The following CALCR variants were observed in gnomAD, a reference collection of about 807,000 sequenced individuals.
CALCR encodes the protein calcitonin receptor.
Under a neutral mutation model 59.5 loss-of-function variants are expected in CALCR, and 47 were observed. That is an observed-to-expected ratio of 0.79 (90% CI 0.63 to 1.01). The LOEUF (loss-of-function observed/expected upper bound fraction) is 1.01. Among genes scored for constraint, CALCR ranks in the 50% least tolerant of loss-of-function variants. CALCR has a pLI of 0.00. For missense variants in CALCR, 566 were observed against 597.1 expected, an observed-to-expected ratio of 0.95 and a Z score of 0.54; for synonymous variants, 213 against 211.3, an observed-to-expected ratio of 1.01 and a Z score of -0.07.
At chr7:93,538,791 T>C (rs897742340) in intron 2 of CALCR, among the ~76,000 whole-genome samples, 1 of 152,048 alleles carries the variant, frequency 6.6e-6, no homozygotes, top group African/African-American at 2.4e-5. Context: ...ATAAAGGTTG[T>C]CAAAATAAAA....
chr7:93,432,875 A>G (rs1279943390), intron 13 of CALCR, among the ~76,000 whole-genome samples: 1 of 152,174 alleles, frequency 6.6e-6, no homozygotes. Context: ...CTTACGCCCT[A>G]CTCATTTATT....
At chr7:93,486,502 T>G (rs1232367133) in intron 3 of CALCR, among the ~76,000 whole-genome samples, 1 of 151,422 alleles carries the variant, frequency 6.6e-6, no homozygotes, top group African/African-American at 2.4e-5. Flanking sequence ...TTCAGAAGTT[T>G]TAAAAGAATT....
intron 7 of CALCR, among the ~76,000 whole-genome samples, chr7:93,467,346 T>C (rs980132676): frequency 2.0e-5 from 3 of 151,692 alleles, no homozygotes; most frequent in African/African-American, 4.8e-5. Context: ...ATGTTATCAT[T>C]TGCTATCCAG....
intron 2 of CALCR, among the ~76,000 whole-genome samples, chr7:93,568,906 T>C (rs1436786903): frequency 6.6e-6 from 1 of 152,062 alleles, no homozygotes; most frequent in African/African-American, 2.4e-5. Context: ...AATTCAACTA[T>C]TTATCTTGCC....
intron 2 of CALCR, among the ~76,000 whole-genome samples, chr7:93,520,162 G>C (rs1296254991): frequency 6.6e-6 from 1 of 151,838 alleles, no homozygotes; most frequent in Non-Finnish European, 1.5e-5. Context: ...AATGGAATAT[G>C]AAAAAAAGAT....
chr7:93,519,036 A>G (rs1190337286), intron 2 of CALCR, among the ~76,000 whole-genome samples: 1 of 152,012 alleles, frequency 6.6e-6, no homozygotes, highest in Non-Finnish European at 1.5e-5. Flanking sequence ...AGCTTAAGCC[A>G]TGCTAACTGA....
intron 7 of CALCR, 108 bp downstream of exon 7, chr7:93,468,607 C>T (rs1800487287): frequency 7.7e-6 from 5 of 646,178 alleles, no homozygotes; most frequent in Non-Finnish European, 1.1e-5. Flanking sequence ...TTGCATGTCG[C>T]TTGTAATTTG....
chr7:93,490,948 A>C (rs1324694015), intron 2 of CALCR, among the ~76,000 whole-genome samples: 1 of 152,114 alleles, frequency 6.6e-6, no homozygotes, highest in Non-Finnish European at 1.5e-5. Flanking sequence ...TGTATAGCCA[A>C]GACAGTCCTA....
chr7:93,482,343 T>C (rs977577022), intron 3 of CALCR, among the ~76,000 whole-genome samples: 1 of 151,882 alleles, frequency 6.6e-6, no homozygotes, highest in African/African-American at 2.4e-5. Flanking sequence ...GGCTCTAAAA[T>C]CTTCAGTTAA....
At chr7:93,522,635 G>A (rs1234792992) in intron 2 of CALCR, among the ~76,000 whole-genome samples, 1 of 152,022 alleles carries the variant, frequency 6.6e-6, no homozygotes, top group Non-Finnish European at 1.5e-5. Context: ...TTCCCATTTT[G>A]AATCTAAGTG....
chr7:93,495,959 G>C, intron 2 of CALCR: 1 of 1,515,728 alleles, frequency 6.6e-7, no homozygotes, highest in Non-Finnish European at 8.8e-7. Context: ...GGGTGGATCA[G>C]TGGGAATCAT....
intron 8 of CALCR, among the ~76,000 whole-genome samples, chr7:93,454,916 T>TTGTGTGTGTGTGTGTGTGTG (rs4015273): frequency 1.8e-4 from 26 of 144,914 alleles, no homozygotes; most frequent in Admixed American, 1.3e-3. Flanking sequence ...ACAGGGCATT[T>TTGTGTGTGTGTGTGTGTGTG]TGTGTGTGTG....
chr7:93,444,204 G>A (rs563138385), intron 8 of CALCR, among the ~76,000 whole-genome samples: 30 of 152,196 alleles, frequency 2.0e-4, no homozygotes, highest in African/African-American at 7.2e-4. Context: ...AAAGAGGAGA[G>A]AGTCAGGTGA....
intron 3 of CALCR, among the ~76,000 whole-genome samples, chr7:93,481,312 C>T (rs1352659671): frequency 2.6e-5 from 4 of 151,682 alleles, no homozygotes; most frequent in Admixed American, 6.6e-5. Flanking sequence ...CAGATGTCCA[C>T]AGGTTAAAGT....
chr7:93,513,172 T>G (rs1801583448), intron 2 of CALCR, among the ~76,000 whole-genome samples: 1 of 152,268 alleles, frequency 6.6e-6, no homozygotes, highest in South Asian at 2.1e-4. Flanking sequence ...TCTAGCATGG[T>G]CTTCACGTAA....
At position 93,436,027 on chromosome 7, in the gene CALCR, G is replaced by A. The variant is rs201556343; in HGVS notation, c.1074C>T (p.Val358=). Reference sequence around the variant, plus strand: ...TCTTGTTGGAAGGTCTCCAGGGAAAGACGACAAACTGGATTCCCAGCAGGG... The same window carrying A: ...TCTTGTTGGAAGGTCTCCAGGGAAAAACGACAAACTGGATTCCCAGCAGGG... ...LVPLLGIQFV[V]FPWRPSNKML... Residue 358 remains valine (V), a synonymous_variant, in exon 12 of 14, where the codon GTC becomes GTT. Coordinates refer to ENST00000426151, the MANE Select transcript of CALCR (RefSeq NM_001742.4). 2 of 1,613,696 alleles carry A rather than the reference G, an allele frequency of 1.2e-6. No individual in the cohort carries two copies. Among genetic ancestry groups the A allele is most frequent in the Admixed American group, 3.3e-5 (2 of 60,002 alleles).
intron 2 of CALCR, among the ~76,000 whole-genome samples, chr7:93,543,510 G>A (rs1044640956): frequency 1.3e-5 from 2 of 152,080 alleles, no homozygotes; most frequent in Admixed American, 1.3e-4. Flanking sequence ...ATCACCACAA[G>A]CATGGAAAGT....
chr7:93,545,377 C>T (rs1029765084), intron 2 of CALCR, among the ~76,000 whole-genome samples: 5 of 152,076 alleles, frequency 3.3e-5, no homozygotes, highest in Admixed American at 3.3e-4. Context: ...TAATTTCTGC[C>T]TCTAGATAGA....
chr7:93,441,742 A>G (rs538890943), intron 9 of CALCR, among the ~76,000 whole-genome samples: 307 of 152,234 alleles, frequency 2.0e-3, no homozygotes, highest in African/African-American at 7.2e-3. Context: ...GCAGCCATGC[A>G]GATGAGGTGA....
Sources: gnomAD v4.1 joint callset for allele counts (sites outside exome capture counted in the v4.1 genomes callset) on GRCh38, gnomAD v4.1.1 for gene constraint, MANE v1.5 for transcripts, NCBI Gene and HGNC (gene_info 2026-07-23, HGNC 2026-07-21) for gene names.